UMAD1: variants seen among roughly 807,000 people sequenced by gnomAD.
The protein encoded by UMAD1 is UBAP1-MVB12-associated (UMA)-domain containing protein 1.
Under a neutral mutation model 6.1 loss-of-function variants are expected in UMAD1, and 8 were observed. That is an observed-to-expected ratio of 1.30 (90% CI 0.76 to 2.35). The LOEUF (loss-of-function observed/expected upper bound fraction) is 2.35. UMAD1 is among the 30% of genes most tolerant of loss of function. UMAD1 has a pLI of 0.00. For synonymous variants in UMAD1, 56 were observed against 31.4 expected (o/e 1.78, Z -2.61); for missense variants, 130 against 78.4 (o/e 1.66, Z -2.49).
At chr7:7,822,292 A>C (rs1037584267) in intron 3 of UMAD1, among the ~76,000 whole-genome samples, 4 of 152,140 alleles carry the variant, frequency 2.6e-5, no homozygotes, top group African/African-American at 7.2e-5. Flanking sequence ...TAATAATGAA[A>C]TCTGTAAGGT....
At chr7:7,731,955 G>T (rs1044248410) in intron 2 of UMAD1, among the ~76,000 whole-genome samples, 1 of 152,034 alleles carries the variant, frequency 6.6e-6, no homozygotes, top group African/African-American at 2.4e-5. Context: ...TTCCTTATCT[G>T]TACAATGGAG....
At chr7:7,723,463 C>G (rs1781086792) in intron 2 of UMAD1, among the ~76,000 whole-genome samples, 1 of 152,158 alleles carries the variant, frequency 6.6e-6, no homozygotes, top group Non-Finnish European at 1.5e-5. Context: ...AATGCCTAAT[C>G]TCCCTTGGTT....
At chr7:7,836,873 C>T (rs1783582129) in intron 3 of UMAD1, among the ~76,000 whole-genome samples, 2 of 151,392 alleles carry the variant, frequency 1.3e-5, no homozygotes, top group Admixed American at 6.6e-5. Context: ...TGTCTAACAT[C>T]CATCTTAATG....
At chr7:7,843,260 A>G (rs1313775774) in intron 3 of UMAD1, among the ~76,000 whole-genome samples, 1 of 152,186 alleles carries the variant, frequency 6.6e-6, no homozygotes, top group African/African-American at 2.4e-5. Flanking sequence ...ATCAGGGCCC[A>G]TGTTTGTCTA....
chr7:7,725,578 A>G (rs1481779497), intron 2 of UMAD1, among the ~76,000 whole-genome samples: 1 of 152,130 alleles, frequency 6.6e-6, no homozygotes, highest in East Asian at 1.9e-4. Context: ...TTGACTATGG[A>G]TCATCAAGTC....
At chr7:7,793,602 A>G (rs1480987211) in intron 2 of UMAD1, among the ~76,000 whole-genome samples, 1 of 152,192 alleles carries the variant, frequency 6.6e-6, no homozygotes, top group Non-Finnish European at 1.5e-5. Flanking sequence ...TTTATAGATT[A>G]TCAACTATTC....
At chr7:7,849,941 G>T (rs1475824964) in intron 3 of UMAD1, among the ~76,000 whole-genome samples, 3 of 152,046 alleles carry the variant, frequency 2.0e-5, no homozygotes, top group Non-Finnish European at 4.4e-5. Context: ...TGGAGCAAAG[G>T]CAAATTAAAA....
chr7:7,648,265 A>G (rs1001145154), intron 1 of UMAD1, among the ~76,000 whole-genome samples: 1 of 152,134 alleles, frequency 6.6e-6, no homozygotes, highest in African/African-American at 2.4e-5. Flanking sequence ...ATCATGAGTG[A>G]TTTGCTGTTT....
At chr7:7,799,947 G>A (rs879560575) in intron 2 of UMAD1, among the ~76,000 whole-genome samples, 5 of 152,194 alleles carry the variant, frequency 3.3e-5, no homozygotes, top group African/African-American at 4.8e-5. Context: ...GCAATGGCGC[G>A]TTCTCGGCTC....
chr7:7,863,792 C>A, intron 3 of UMAD1, among the ~76,000 whole-genome samples: 1 of 152,204 alleles, frequency 6.6e-6, no homozygotes, highest in Middle Eastern at 3.4e-3. Context: ...TCCCACTGTC[C>A]CATGTCTACA....
At chr7:7,718,766 CCTTT>C (rs368372486) in intron 2 of UMAD1, among the ~76,000 whole-genome samples, 13 of 152,022 alleles carry the variant, frequency 8.6e-5, no homozygotes, top group African/African-American at 3.1e-4. Context: ...TAGGCAGGAA[CCTTT>C]CTTTTTTCTT....
intron 1 of UMAD1, among the ~76,000 whole-genome samples, chr7:7,656,167 C>A (rs780587622): frequency 6.6e-6 from 1 of 152,094 alleles, no homozygotes; most frequent in Non-Finnish European, 1.5e-5. Context: ...AGGTTACCGC[C>A]ACTACTTTTA....
At chr7:7,877,073 G>C (rs560300647) in intron 3 of UMAD1, among the ~76,000 whole-genome samples, 1 of 152,346 alleles carries the variant, frequency 6.6e-6, no homozygotes, top group South Asian at 2.1e-4. Flanking sequence ...TGGGTGGTCA[G>C]TCTGAGTTAA....
intron 3 of UMAD1, among the ~76,000 whole-genome samples, chr7:7,816,813 T>C (rs1783136809): frequency 6.6e-6 from 1 of 152,216 alleles, no homozygotes; most frequent in African/African-American, 2.4e-5. Flanking sequence ...ACTACAGTGG[T>C]TCTGGCCTTA....
At chr7:7,798,669 A>T (rs1207130961) in intron 2 of UMAD1, among the ~76,000 whole-genome samples, 1 of 152,140 alleles carries the variant, frequency 6.6e-6, no homozygotes, top group African/African-American at 2.4e-5. Flanking sequence ...CCTGTTCCCT[A>T]ACTCAGAGTC....
chr7:7,738,314 C>A (rs1270775054), intron 2 of UMAD1, among the ~76,000 whole-genome samples: 2 of 152,086 alleles, frequency 1.3e-5, no homozygotes, highest in African/African-American at 4.8e-5. Flanking sequence ...GCCCTTAGTG[C>A]CAAAACATAA....
intron 1 of UMAD1, among the ~76,000 whole-genome samples, chr7:7,644,550 C>G (rs886353914): frequency 6.6e-6 from 1 of 152,120 alleles, no homozygotes; most frequent in South Asian, 2.1e-4. Context: ...CTAGAATTCA[C>G]TCTTCATGTA....
intron 2 of UMAD1, among the ~76,000 whole-genome samples, chr7:7,678,415 A>T (rs909357178): frequency 4.1e-5 from 6 of 144,796 alleles, no homozygotes; most frequent in East Asian, 2.0e-4. Flanking sequence ...TATATAAAAA[A>T]ATATATTTAT....
intron 3 of UMAD1, among the ~76,000 whole-genome samples, chr7:7,813,733 G>A (rs10952074): frequency 0.61 from 93,360 of 152,058 alleles, 28,678 homozygotes; most frequent in Middle Eastern, 0.67. Flanking sequence ...TTTGTTCATC[G>A]AGATATTCTG....
Sources: allele counts gnomAD v4.1 joint callset (sites outside exome capture counted in the v4.1 genomes callset), GRCh38; gene constraint gnomAD v4.1.1; transcripts MANE v1.5; gene names NCBI Gene and HGNC (gene_info 2026-07-23, HGNC 2026-07-21).